Variants in TCF20 observed in about 807,000 individuals in gnomAD.
TCF20 encodes the protein transcription factor 20.
In TCF20, 3 loss-of-function variants were observed where a neutral mutation model predicts 148.6. That is an observed-to-expected ratio of 0.02 (90% CI 0.01 to 0.05). The LOEUF (loss-of-function observed/expected upper bound fraction) is 0.05. Ranked by LOEUF, TCF20 falls within the 10% of genes least tolerant of loss-of-function variation. The pLI, the probability that TCF20 is intolerant of heterozygous loss-of-function variation, is 1.00. For synonymous variants in TCF20, 1,049 were observed against 909.5 expected (o/e 1.15, Z -2.76); for missense variants, 2,350 against 2,429.3 (o/e 0.97, Z 0.69).
intron 1 of TCF20, among the ~76,000 whole-genome samples, chr22:42,336,830 C>T (rs2147061882): frequency 6.6e-6 from 1 of 152,348 alleles, no homozygotes; most frequent in South Asian, 2.1e-4. Context: ...CAGGCCTCAA[C>T]TCAAACATTT....
chr22:42,163,454 C>T (rs1053936075), intron 5 of TCF20, among the ~76,000 whole-genome samples: 1 of 152,210 alleles, frequency 6.6e-6, no homozygotes, highest in African/African-American at 2.4e-5. Flanking sequence ...AAAAGTTGTT[C>T]CTTCAGTAGG....
rs1366173743 is a variant in TCF20, at chr22:42,211,278, G to T, written c.4028C>A (p.Pro1343His). 6.2e-7 allele frequency: 1 copy of T among 1,614,120 alleles called. No individual in the cohort carries two copies. The highest frequency in any genetic ancestry group is 1.3e-5 in the African/African-American group (1 of 75,022). The change falls in exon 2 of 6, where the codon CCC becomes CAC. Residue 1343 changes from proline to histidine, a missense_variant. Coordinates refer to ENST00000677622, the MANE Select transcript of TCF20 (RefSeq NM_001378418.1). ...LTSPAKTKIL[P>H]PRKGRGLKLE... ...TTTCAATCCCCGTCCTTTCCGTGGGGGCAGTATTTTGGTCTTAGCAGGGCT... is the reference window on the plus strand; with the variant it reads ...TTTCAATCCCCGTCCTTTCCGTGGGTGCAGTATTTTGGTCTTAGCAGGGCT...
chr22:42,165,585 G>A lies in TCF20; in HGVS notation c.*44+3024C>T, dbSNP rs193006500. ...CCTCCGCACTCCTGGCGAGGGTCAGGTACCAGATACCTCACAGGCTGGGAG... is the reference window on the plus strand; with the variant it reads ...CCTCCGCACTCCTGGCGAGGGTCAGATACCAGATACCTCACAGGCTGGGAG... On this transcript the variant is annotated intron_variant, in intron 5 of 5. Transcript: ENST00000677622. 2.6e-3 allele frequency among the ~76,000 whole-genome samples: 392 copies of A among 152,336 alleles called. 3 individuals are homozygous for A. Among genetic ancestry groups the A allele is most frequent in the African/African-American group, 8.8e-3 (367 of 41,566 alleles).
In TCF20 at chr22:42,168,682, G is replaced by A. The variant is rs753323847; in HGVS notation, c.5854C>T (p.Leu1952Phe). The change falls in exon 5 of 6, where the codon CTC becomes TTC. Residue 1952 changes from leucine (L) to phenylalanine (F), a missense_variant. Physicochemically the swap from Leu to Phe is conservative, Grantham distance 22. This residue lies in a region of TCF20 where 67 missense variants were observed against 60.8 expected (regional missense o/e 1.10). Coordinates refer to ENST00000677622, the MANE Select transcript of TCF20 (RefSeq NM_001378418.1). ...CCCCGCTCCGACTGCTCTGTGCTGA[G>A]GCTGCCTTTCGCGGTCTTGTTCTGC... ...PLQNKTAKGSLSTEQSERG is the reference protein window; with the variant it reads ...PLQNKTAKGSFSTEQSERG 7 of 1,610,640 alleles carry A rather than the reference G, an allele frequency of 4.3e-6. No individual in the cohort carries two copies. The highest frequency in any genetic ancestry group is 1.1e-5 in the South Asian group (1 of 90,468).
At chr22:42,240,533 G>A (rs938394178) in intron 1 of TCF20, among the ~76,000 whole-genome samples, 7 of 152,064 alleles carry the variant, frequency 4.6e-5, no homozygotes, top group African/African-American at 1.7e-4. Flanking sequence ...CTTTCCAAAA[G>A]TAACAAAAAT....
chr22:42,222,065 G>A (rs748363635), intron 1 of TCF20, among the ~76,000 whole-genome samples: 1 of 152,176 alleles, frequency 6.6e-6, no homozygotes, highest in Non-Finnish European at 1.5e-5. Flanking sequence ...TAATGACCAT[G>A]CAGAGACAGA....
chr22:42,185,396 G>A (rs554158511), intron 2 of TCF20, among the ~76,000 whole-genome samples: 19 of 152,322 alleles, frequency 1.2e-4, no homozygotes, highest in African/African-American at 4.3e-4. Context: ...TGGAATGAAT[G>A]CAATGTCTGA....
At chr22:42,303,034 A>G (rs2147035164) in intron 1 of TCF20, among the ~76,000 whole-genome samples, 1 of 152,298 alleles carries the variant, frequency 6.6e-6, no homozygotes, top group Non-Finnish European at 1.5e-5. Flanking sequence ...GGTTCAAGCA[A>G]TCCTCCTGCC....
intron 2 of TCF20, among the ~76,000 whole-genome samples, chr22:42,187,677 C>A (rs1022276817): frequency 6.6e-5 from 10 of 152,194 alleles, no homozygotes; most frequent in African/African-American, 2.4e-4. Context: ...AGCCTGTCTG[C>A]AGTTTATAGT....
chr22:42,339,471 G>A (rs1928126097), intron 1 of TCF20, among the ~76,000 whole-genome samples: 1 of 152,228 alleles, frequency 6.6e-6, no homozygotes, highest in East Asian at 1.9e-4. Flanking sequence ...AGCCCATAGC[G>A]ACTAAACCCA....
At chr22:42,192,443 G>A (rs1049429039) in intron 2 of TCF20, among the ~76,000 whole-genome samples, 7 of 151,978 alleles carry the variant, frequency 4.6e-5, no homozygotes, top group Non-Finnish European at 7.4e-5. Context: ...CAACGCTCTC[G>A]CCTGTCCATC....
rs1921506651 is a variant in TCF20 at position 42,214,676 on chromosome 22, T to C, written c.630A>G (p.Pro210=). 1.9e-6 allele frequency: 3 copies of C among 1,614,030 alleles called. No individual in the cohort carries two copies. Among genetic ancestry groups the C allele is most frequent in the Admixed American group, 1.7e-5 (1 of 59,996 alleles). ...QPASSSSHLQ[P]MQRPSTLPSS... is the part of the protein sequence containing the mutation. ...ATGGCAGAGTTGAGGGCCGCTGCATTGGCTGTAGATGGGATGAGCTGGATG... is the reference window on the plus strand; with the variant it reads ...ATGGCAGAGTTGAGGGCCGCTGCATCGGCTGTAGATGGGATGAGCTGGATG... The change falls in exon 2 of 6, where the codon CCA becomes CCG. Residue 210 remains proline (P), a synonymous_variant. Transcript: ENST00000677622.
chr22:42,314,086 G>C (rs6002687), intron 1 of TCF20, among the ~76,000 whole-genome samples: 84,303 of 152,178 alleles, frequency 0.55, 23,975 homozygotes, highest in African/African-American at 0.67. Flanking sequence ...CAACAAGGCA[G>C]ATACAGGCTC....
At position 42,168,718 on chromosome 22, in the gene TCF20, G is replaced by C. The variant is rs766229168; in HGVS notation, c.5818C>G (p.Leu1940Val). ...GCGGTCTTGTTCTGCAAGGGGGGGA[G>C]AGGGCACGGAAGGGGAGGCTGACAC... ...PKHKPPLPCPLPPLQNKTAKG... is the reference protein window; with the variant it reads ...PKHKPPLPCPVPPLQNKTAKG... Residue 1940 changes from leucine (L) to valine (V), a missense_variant, in exon 5 of 6, where the codon CTC becomes GTC. Physicochemically the swap from Leu to Val is conservative, Grantham distance 32 (BLOSUM62 1). Transcript: ENST00000677622. 3.7e-6 allele frequency: 6 copies of C among 1,610,772 alleles called. No homozygotes were observed. The highest frequency in any genetic ancestry group is 3.3e-5 in the Admixed American group (2 of 59,768).
chr22:42,306,073 C>T (rs554840121), intron 1 of TCF20, among the ~76,000 whole-genome samples: 2 of 152,374 alleles, frequency 1.3e-5, no homozygotes, highest in South Asian at 4.1e-4. Context: ...AAACCTCCTG[C>T]CTCTGCGAGG....
chr22:42,161,379 A>G, intron 5 of TCF20, 21 bp from the exon 6 acceptor site: 1 of 1,613,992 alleles, frequency 6.2e-7, no homozygotes, highest in Non-Finnish European at 8.5e-7. Flanking sequence ...AGGGACACAC[A>G]GTGAAGGCCA....
rs1262950691 is a variant in TCF20, at chr22:42,279,887, G to C, written c.-37+3940C>G. ...GGGCTGGATGTGGCTCCCCAGCCCC[G>C]TAGACACCACCCCAGGTGCTCCTCA... On this transcript the variant is annotated intron_variant, in intron 1 of 5. Coordinates refer to the TCF20 transcript ENST00000359486. This position sits in a 1 kb window ranked among gnomAD's most constrained non-coding sequence, Gnocchi z 4.3. 6.6e-6 allele frequency among the ~76,000 whole-genome samples: 1 copy of C among 152,168 alleles called. No individual in the cohort carries two copies. Among genetic ancestry groups the C allele is most frequent in the Non-Finnish European group, 1.5e-5 (1 of 68,034 alleles).
intron 2 of TCF20, among the ~76,000 whole-genome samples, chr22:42,205,156 TATC>T (rs2147178115): frequency 6.6e-6 from 1 of 152,350 alleles, no homozygotes; most frequent in South Asian, 2.1e-4. Context: ...ACCTCTGTAA[TATC>T]ATTCATGTCA....
chr22:42,237,134 T>C (rs900076976), intron 1 of TCF20, among the ~76,000 whole-genome samples: 2 of 151,888 alleles, frequency 1.3e-5, no homozygotes, highest in Non-Finnish European at 2.9e-5. Context: ...AACTGTTTGA[T>C]AGCATTTTAC....
Sources: gnomAD v4.1 joint callset for allele counts (sites outside exome capture counted in the v4.1 genomes callset) on GRCh38, gnomAD v4.1.1 for gene constraint, gnomAD v4.1.1 regional missense constraint, Gnocchi (gnomAD v3.1) non-coding constraint, MANE v1.5 for transcripts, NCBI Gene and HGNC (gene_info 2026-07-23, HGNC 2026-07-21) for gene names.